Variants in PDK1 observed in about 807,000 individuals in gnomAD.
PDK1 encodes pyruvate dehydrogenase kinase 1.
In PDK1, 39 loss-of-function variants were observed where a neutral mutation model predicts 54.2. That is an observed-to-expected ratio of 0.72 (90% CI 0.56 to 0.94). The LOEUF is 0.94. PDK1 is among the 40% of genes least tolerant of loss of function. The pLI, the probability that PDK1 is intolerant of heterozygous loss-of-function variation, is 0.00. For missense variants in PDK1, 552 were observed against 566.0 expected (o/e 0.98, Z 0.25); for synonymous variants, 221 against 207.1 (o/e 1.07, Z -0.58).
At chr2:172,705,134 C>A in the PDK1 span, among the ~76,000 whole-genome samples, 7 of 152,162 alleles carry the variant, frequency 4.6e-5, no homozygotes, top group African/African-American at 1.7e-4. Flanking sequence ...TTTGAGCGGG[C>A]AGATTTATCC....
chr2:172,682,007 C>T, the PDK1 span, among the ~76,000 whole-genome samples: 1 of 152,224 alleles, frequency 6.6e-6, no homozygotes, highest in Non-Finnish European at 1.5e-5. Context: ...ATCTGTCCAC[C>T]TCGGCCTTCC....
At chr2:172,672,600 C>A in the PDK1 span, among the ~76,000 whole-genome samples, 1 of 151,698 alleles carries the variant, frequency 6.6e-6, no homozygotes, top group African/African-American at 2.4e-5. Flanking sequence ...TGAGCAAGTC[C>A]ATCAGTATCA....
chr2:172,688,243 C>T, the PDK1 span, among the ~76,000 whole-genome samples: 19 of 152,244 alleles, frequency 1.2e-4, no homozygotes, highest in Admixed American at 1.3e-4. Context: ...TGAAGCAGCT[C>T]CTTCTGGATT....
At chr2:172,574,054 A>G (rs1689443705) in intron 8 of PDK1, among the ~76,000 whole-genome samples, 4 of 152,072 alleles carry the variant, frequency 2.6e-5, no homozygotes. Flanking sequence ...TAAGAGTTTT[A>G]TAGTTTTAGC....
the PDK1 span, among the ~76,000 whole-genome samples, chr2:172,617,014 ATC>A: frequency 6.6e-6 from 1 of 152,128 alleles, no homozygotes; most frequent in Admixed American, 6.6e-5. Flanking sequence ...CAGTGGCGTG[ATC>A]TCGGCTCACT....
chr2:172,574,855 G>A (rs1454675071), intron 8 of PDK1, among the ~76,000 whole-genome samples: 1 of 152,114 alleles, frequency 6.6e-6, no homozygotes, highest in African/African-American at 2.4e-5. Flanking sequence ...AAATGATCAT[G>A]TCTCTGCAAA....
the PDK1 span, among the ~76,000 whole-genome samples, chr2:172,701,930 C>T: frequency 0.041 from 6,218 of 152,166 alleles, 417 homozygotes; most frequent in African/African-American, 0.14. Context: ...TATATATCTT[C>T]TGGTGACAAT....
intron 8 of PDK1, among the ~76,000 whole-genome samples, chr2:172,577,477 C>G (rs760778967): frequency 7.2e-5 from 11 of 151,858 alleles, no homozygotes; most frequent in Non-Finnish European, 1.5e-4. Context: ...TTTATGTTTG[C>G]CGTTTTGTCT....
chr2:172,570,865 G>A (rs903539079), intron 8 of PDK1, 41 bp downstream of exon 8: 1 of 947,352 alleles, frequency 1.1e-6, no homozygotes, highest in Non-Finnish European at 1.6e-6. Flanking sequence ...TTTTTTTTTT[G>A]TAATTGATGA....
Position 172,601,215 on chromosome 2 carries a change from T to G in PDK1, c.*5246T>G, listed in dbSNP as rs1201006180. ...GACTCAGTACAACAAAGAAACTGAGTAGTAACCAGTGCAAAACTAGCAAAA... is the reference window on the plus strand; with the variant it reads ...GACTCAGTACAACAAAGAAACTGAGGAGTAACCAGTGCAAAACTAGCAAAA... On this transcript the variant is annotated 3_prime_UTR_variant, in exon 11 of 11. Coordinates refer to ENST00000282077, the MANE Select transcript of PDK1 (RefSeq NM_002610.5). 1 of 151,994 alleles carries G rather than the reference T, an allele frequency of 6.6e-6. No individual in the cohort carries two copies. The highest frequency in any genetic ancestry group is 1.5e-5 in the Non-Finnish European group (1 of 68,010). The allele number at this position is 151,994 out of a possible 1,614,324, so 9.4% of individuals were successfully genotyped here.
intron 8 of PDK1, among the ~76,000 whole-genome samples, chr2:172,577,159 CT>C (rs1464790575): frequency 6.6e-6 from 1 of 152,014 alleles, no homozygotes; most frequent in Non-Finnish European, 1.5e-5. Flanking sequence ...ATTATTATCT[CT>C]TTTTTGTGTA....
the PDK1 span, among the ~76,000 whole-genome samples, chr2:172,660,241 C>CT: frequency 2.2e-5 from 1 of 46,100 alleles, no homozygotes; most frequent in African/African-American, 7.4e-5. Flanking sequence ...TTCTCTCTCT[C>CT]TCTCTCTTTT....
At chr2:172,648,878 C>T in the PDK1 span, among the ~76,000 whole-genome samples, 2 of 152,244 alleles carry the variant, frequency 1.3e-5, no homozygotes, top group Non-Finnish European at 2.9e-5. Context: ...AGGAGGCCTG[C>T]CTGCCTCTGT....
the PDK1 span, among the ~76,000 whole-genome samples, chr2:172,714,551 T>G: frequency 6.6e-6 from 1 of 152,124 alleles, no homozygotes; most frequent in Admixed American, 6.5e-5. Context: ...AATTTTCTTC[T>G]AGATTTTGTT....
At chr2:172,723,874 G>A in the PDK1 span, 1 of 152,120 alleles carries the variant, frequency 6.6e-6, no homozygotes, top group Non-Finnish European at 1.5e-5. Context: ...GGTCACTGTT[G>A]GAGAATCTAG....
chr2:172,595,720 A>G (rs1574540441), intron 10 of PDK1, 109 bp from the exon 11 acceptor site: 3 of 789,358 alleles, frequency 3.8e-6, no homozygotes, highest in East Asian at 5.4e-5. Flanking sequence ...ATAAGATACT[A>G]ATAGAATATT....
chr2:172,692,098 C>A, the PDK1 span, among the ~76,000 whole-genome samples: 1 of 152,108 alleles, frequency 6.6e-6, no homozygotes, highest in Non-Finnish European at 1.5e-5. Flanking sequence ...TGATGGCAAC[C>A]AATATAGGCA....
chr2:172,723,509 C>A, the PDK1 span: 1 of 152,106 alleles, frequency 6.6e-6, no homozygotes, highest in Non-Finnish European at 1.5e-5. Flanking sequence ...GAAGGATATT[C>A]TGTAAAATGA....
chr2:172,626,267 C>G, the PDK1 span, among the ~76,000 whole-genome samples: 3 of 152,008 alleles, frequency 2.0e-5, no homozygotes, highest in East Asian at 1.9e-4. Context: ...ATATGTGCTA[C>G]TTTTCAATTT....
Sources: gnomAD v4.1 joint callset for allele counts (sites outside exome capture counted in the v4.1 genomes callset) on GRCh38, gnomAD v4.1.1 for gene constraint, MANE v1.5 for transcripts, NCBI Gene and HGNC (gene_info 2026-07-23, HGNC 2026-07-21) for gene names.